Variants in TRPV5 observed in about 807,000 individuals in gnomAD.
TRPV5 encodes the protein transient receptor potential cation channel subfamily V member 5, also known as calcium transport protein 2.
TRPV5 carries 66 observed loss-of-function variants against 74.1 expected under a neutral mutation model. The ratio of observed to expected loss-of-function variants is 0.89; its 90% CI spans 0.73 to 1.09. The LOEUF (loss-of-function observed/expected upper bound fraction) is 1.09, where lower values mean the gene tolerates loss of function less well. Ranked by LOEUF, TRPV5 falls within the 50% of genes least tolerant of loss-of-function variation. The pLI, the probability that TRPV5 is intolerant of heterozygous loss-of-function variation, is 0.00. For missense variants in TRPV5, 936 were observed against 930.4 expected (o/e 1.01, Z -0.08); for synonymous variants, 399 against 360.7 (o/e 1.11, Z -1.20).
chr7:142,918,449 T>A (rs1005352121), intron 8 of TRPV5, among the ~76,000 whole-genome samples: 2 of 152,224 alleles, frequency 1.3e-5, no homozygotes, highest in African/African-American at 4.8e-5. Context: ...TTACCCTACA[T>A]CTATTTCCGC....
At chr7:142,924,689 T>C (rs750194074) in intron 8 of TRPV5, 1 of 152,186 alleles carries the variant, frequency 6.6e-6, no homozygotes, top group Non-Finnish European at 1.5e-5. Flanking sequence ...TTCTTTTTCC[T>C]GGTCTTTTGC....
At chr7:142,924,287 CAT>C (rs1029791119) in intron 8 of TRPV5, among the ~76,000 whole-genome samples, 3 of 89,212 alleles carry the variant, frequency 3.4e-5, no homozygotes, top group Admixed American at 1.4e-4. Context: ...TATACATATA[CAT>C]GTATATATAT....
chr7:142,930,141 T>G lies in TRPV5; in HGVS notation c.266A>C (p.Tyr89Ser). 6.2e-7 allele frequency: 1 copy of G among 1,614,176 alleles called. No homozygotes were observed. Among genetic ancestry groups the G allele is most frequent in the East Asian group, 2.2e-5 (1 of 44,878 alleles). ...CACCAAGGCCGCCTCCAAGTTGTCA[T>G]AGAGGGCTGCTATGTGCAGCGCCGT... Reference protein sequence around the residue: ...GETALHIAALYDNLEAALVLM... With the variant: ...GETALHIAALSDNLEAALVLM... The change falls in exon 3 of 15, where the codon TAT (tyrosine) becomes TCT (serine). Residue 89 changes from tyrosine to serine, a missense_variant. By Grantham distance (144) the Tyr-to-Ser change is moderately radical (BLOSUM62 -2). Coordinates refer to ENST00000265310, the MANE Select transcript of TRPV5 (RefSeq NM_019841.7).
In TRPV5 at chr7:142,914,553, G is replaced by T. The variant is rs1342344901; in HGVS notation, c.1519+87C>A. On this transcript the variant is annotated intron_variant, in intron 12 of 14. Transcript: ENST00000265310. The stretch of plus-strand genomic sequence containing the variant: ...AAAAAAAAAGAAAGCAAAATGAAGT[G>T]CAAATGAGAACTGAGAGCAAGAATG... The T allele has an allele frequency of 8.8e-6, 10 of 1,138,374 alleles. No homozygotes were observed. In the Admixed American group the frequency reaches 2.1e-4, roughly 24 times the overall value. The allele number at this position is 1,138,374 out of a possible 1,614,324, so 70.5% of individuals were successfully genotyped here.
rs1231211407 is a variant in TRPV5, at chr7:142,915,332, G to T, written c.1261C>A (p.Leu421Ile). Reference protein sequence around the residue: ...GASRYFGKTILGGPFHVIIIT... With the variant: ...GASRYFGKTIIGGPFHVIIIT... ...ATGATGACATGGAATGGCCCCCCAA[G>T]AATCGTCTTTCCAAAATAGCGAGAG... The change falls in exon 10 of 15, where the codon CTT becomes ATT. Residue 421 changes from leucine to isoleucine, a missense_variant. Leu to Ile is a conservative substitution (Grantham distance 5, BLOSUM62 2). Coordinates refer to ENST00000265310, the MANE Select transcript of TRPV5 (RefSeq NM_019841.7). The T allele has an allele frequency of 1.2e-6, 2 of 1,608,604 alleles. No individual in the cohort carries two copies. The highest frequency in any genetic ancestry group is 1.7e-6 in the Non-Finnish European group (2 of 1,178,704).
Position 142,930,061 on chromosome 7 carries a change from C to G in TRPV5, c.346G>C (p.Ala116Pro). Residue 116 changes from alanine to proline, a missense_variant, in exon 3 of 15, where the codon GCA becomes CCA. By Grantham distance (27) the Ala-to-Pro change is conservative. Transcript: ENST00000265310. ...VFEPTTCEAF[A>P]GQTALHIAVV... ...AATTACCATGTAGGCTCCTTACCTG[C>G]AAAAGCCTCACATGTGGTGGGCTCA... 6.2e-7 allele frequency: 1 copy of G among 1,614,050 alleles called. No homozygotes were observed. Among genetic ancestry groups the G allele is most frequent in the South Asian group, 1.1e-5 (1 of 91,072 alleles).
rs997615271 is a variant in TRPV5 at position 142,912,470 on chromosome 7, A to G, written c.1788+12T>C. 1.2e-6 allele frequency: 2 copies of G among 1,608,134 alleles called. No individual in the cohort carries two copies. Among genetic ancestry groups the G allele is most frequent in the African/African-American group, 2.7e-5 (2 of 74,770 alleles). On this transcript the variant is annotated intron_variant, in intron 13 of 14. Coordinates refer to ENST00000265310, the MANE Select transcript of TRPV5 (RefSeq NM_019841.7). ...CCCTGCTTCTTAGCAAGACTAACACAAATAAACTCACCTGGGCCCTCCAGA... is the reference window on the plus strand; with the variant it reads ...CCCTGCTTCTTAGCAAGACTAACACGAATAAACTCACCTGGGCCCTCCAGA...
Position 142,914,902 on chromosome 7 carries a change from G to A in TRPV5, c.1431C>T (p.Pro477=). 1 of 1,614,154 alleles carries A rather than the reference G, an allele frequency of 6.2e-7. No homozygotes were observed. The highest frequency in any genetic ancestry group is 1.3e-5 in the African/African-American group (1 of 75,044). ...YFTRGFQMLG[P]FTIMIQKMIF... ...TGACCTTCTGGATCATGATGGTGAA[G>A]GGACCCAGCATCTGGAATCCTCGAG... The change falls in exon 11 of 15, where the codon CCC becomes CCT. Residue 477 remains proline, a synonymous_variant. Coordinates refer to ENST00000265310, the MANE Select transcript of TRPV5 (RefSeq NM_019841.7).
rs780532382 is a variant in TRPV5 at position 142,914,933 on chromosome 7, T to C, written c.1400A>G (p.Tyr467Cys). Reference protein sequence around the residue: ...ALVLGWCSVMYFTRGFQMLGP... With the variant: ...ALVLGWCSVMCFTRGFQMLGP... ...CAGCATCTGGAATCCTCGAGTGAAATACATGACACTGCACCAGCCCAGCAC... is the reference window on the plus strand; with the variant it reads ...CAGCATCTGGAATCCTCGAGTGAAACACATGACACTGCACCAGCCCAGCAC... Residue 467 changes from tyrosine to cysteine, a missense_variant, in exon 11 of 15, where the codon TAT (tyrosine) becomes TGT (cysteine). Physicochemically the swap from Tyr to Cys is radical, Grantham distance 194. Transcript: ENST00000265310. 6.2e-7 allele frequency: 1 copy of C among 1,613,958 alleles called. No homozygotes were observed. Among genetic ancestry groups the C allele is most frequent in the Admixed American group, 1.7e-5 (1 of 60,006 alleles).
intron 14 of TRPV5, 144 bp downstream of exon 14, chr7:142,909,346 C>A: frequency 2.5e-6 from 2 of 793,712 alleles, no homozygotes; most frequent in Non-Finnish European, 4.0e-6. Context: ...CTGAGGTACA[C>A]ACAGCATTCT....
intron 8 of TRPV5, among the ~76,000 whole-genome samples, chr7:142,922,212 T>C (rs1393895725): frequency 1.3e-5 from 2 of 152,224 alleles, no homozygotes; most frequent in African/African-American, 4.8e-5. Context: ...TTCCAACACC[T>C]GGAACAGCTG....
intron 4 of TRPV5, 83 bp from the exon 5 acceptor site, chr7:142,929,203 C>A (rs1796042872): frequency 6.5e-7 from 1 of 1,539,806 alleles, no homozygotes; most frequent in South Asian, 1.2e-5. Context: ...AGGGCCTCCT[C>A]CTCATCCCCC....
rs773955812 is a variant in TRPV5, at chr7:142,930,111, A to T, written c.296T>A (p.Met99Lys). The change falls in exon 3 of 15, where the codon ATG becomes AAG. Residue 99 changes from methionine (M) to lysine (K), a missense_variant. Coordinates refer to ENST00000265310, the MANE Select transcript of TRPV5 (RefSeq NM_019841.7). ...AAAGACCAGCTCTGGGGCAGCCTCC[A>T]TCAGCACCAAGGCCGCCTCCAAGTT... ...YDNLEAALVL[M>K]EAAPELVFEP... The T allele has an allele frequency of 6.2e-7, 1 of 1,614,206 alleles. No individual in the cohort carries two copies. Among genetic ancestry groups the T allele is most frequent in the South Asian group, 1.1e-5 (1 of 91,084 alleles).
At chr7:142,915,699 C>A (rs544246361) in intron 8 of TRPV5, 131 bp from the exon 9 acceptor site, 7 of 794,218 alleles carry the variant, frequency 8.8e-6, no homozygotes, top group African/African-American at 1.7e-5. Flanking sequence ...CACCCCACCC[C>A]CATTGTACTT....
Position 142,928,798 on chromosome 7 carries a change from G to T in TRPV5, c.655C>A (p.Leu219Met). Residue 219 changes from leucine (L) to methionine (M), a missense_variant, in exon 6 of 15, where the codon CTG becomes ATG. Leu to Met is a conservative substitution (Grantham distance 15). Transcript: ENST00000265310. ...TCCCCATGTCCATCATAGGACAGCA[G>T]CAGGTTGTACATCTGGCAGGCAAAG... ...KTFACQMYNLLLSYDGHGDHL... is the reference protein window; with the variant it reads ...KTFACQMYNLMLSYDGHGDHL... The T allele has an allele frequency of 1.9e-6, 3 of 1,614,184 alleles. No individual in the cohort carries two copies. The highest frequency in any genetic ancestry group is 2.5e-6 in the Non-Finnish European group (3 of 1,180,012).
intron 1 of TRPV5, among the ~76,000 whole-genome samples, chr7:142,932,453 C>T (rs1796112624): frequency 6.6e-6 from 1 of 152,130 alleles, no homozygotes; most frequent in Non-Finnish European, 1.5e-5. Flanking sequence ...ACCCCTTGTT[C>T]AAAATTATTA....
chr7:142,912,805 G>T, intron 12 of TRPV5, 55 bp from the exon 13 acceptor site: 1 of 1,569,482 alleles, frequency 6.4e-7, no homozygotes, highest in Non-Finnish European at 8.7e-7. Context: ...ATCACAATAA[G>T]CATGGACATG....
rs996429576 is a variant in TRPV5, at chr7:142,933,560, G to T, written c.-101C>A. ...AAGAGATGGGGTCTATTTGGGGCTGGGACTCTGAGTTTATCTCCTGTATGA... is the reference window on the plus strand; with the variant it reads ...AAGAGATGGGGTCTATTTGGGGCTGTGACTCTGAGTTTATCTCCTGTATGA... On this transcript the variant is annotated 5_prime_UTR_variant, in exon 1 of 15. Coordinates refer to ENST00000265310, the MANE Select transcript of TRPV5 (RefSeq NM_019841.7). 2 of 1,496,420 alleles carry T rather than the reference G, an allele frequency of 1.3e-6. No homozygotes were observed. Among genetic ancestry groups the T allele is most frequent in the Non-Finnish European group, 1.8e-6 (2 of 1,109,262 alleles). 92.7% of individuals were successfully genotyped at this position (1,496,420 alleles called of 1,614,324 possible). A position where few individuals can be genotyped will look rare whatever the true frequency, so the allele number is the denominator to read the frequency against.
chr7:142,914,977 C>T lies in TRPV5; in HGVS notation c.1356G>A (p.Val452=). 6.2e-7 allele frequency: 1 copy of T among 1,614,148 alleles called. No individual in the cohort carries two copies. Among genetic ancestry groups the T allele is most frequent in the Non-Finnish European group, 8.5e-7 (1 of 1,180,014 alleles). ...MRLTNTNGEV[V]PMSFALVLGW... ...CCAGCACCAGGGCAAAGGACATGGG[C>T]ACCACCTCCCCATTGGTGTTGGTGA... Residue 452 remains valine (V), a synonymous_variant, in exon 11 of 15, where the codon GTG becomes GTA. Transcript: ENST00000265310.
Sources: allele counts gnomAD v4.1 joint callset (sites outside exome capture counted in the v4.1 genomes callset), GRCh38; gene constraint gnomAD v4.1.1; transcripts MANE v1.5; gene names NCBI Gene and HGNC (gene_info 2026-07-23, HGNC 2026-07-21).